The following NAV2 variants were observed in gnomAD, a reference collection of about 807,000 sequenced individuals.
NAV2 encodes the protein helicase, APC down-regulated 1.
In NAV2, 54 loss-of-function variants were observed where a neutral mutation model predicts 223.2. The ratio of observed to expected loss-of-function variants is 0.24; its 90% CI spans 0.19 to 0.30. The LOEUF is 0.30. NAV2 is among the 10% of genes least tolerant of loss of function. The pLI is 1.00. For synonymous variants in NAV2, 1,279 were observed against 1,239.3 expected, an observed-to-expected ratio of 1.03 and a Z score of -0.67; for missense variants, 2,806 against 3,147.5, an observed-to-expected ratio of 0.89 and a Z score of 2.60.
At chr11:20,072,846 G>A (rs941238123) in intron 22 of NAV2, among the ~76,000 whole-genome samples, 4 of 152,128 alleles carry the variant, frequency 2.6e-5, no homozygotes, top group Admixed American at 1.3e-4. Context: ...CTGAGAAGAT[G>A]GGGTTTTCTA....
chr11:19,351,307 G>A (rs1853296746), intron 1 of NAV2, among the ~76,000 whole-genome samples: 1 of 152,216 alleles, frequency 6.6e-6, no homozygotes, highest in Non-Finnish European at 1.5e-5. Context: ...AAATGTTGGT[G>A]TTCTCAAAAT....
In NAV2 at chr11:19,430,733, G is replaced by A. The variant is rs150119934; in HGVS notation, c.75+79706G>A. Among the ~76,000 whole-genome samples the A allele has an allele frequency of 2.8e-3, 419 of 152,270 alleles. 1 individual carries two copies. Among genetic ancestry groups the A allele is most frequent in the African/African-American group, 9.1e-3 (378 of 41,558 alleles). On this transcript the variant is annotated intron_variant, in intron 1 of 37. Coordinates refer to the NAV2 transcript ENST00000360655. ...AGATATGATGCCAGTCTCCCCTGCC[G>A]TGTGGATCAGTTGACAGTTGAGGGT...
chr11:19,457,808 C>T (rs752583100), intron 1 of NAV2, among the ~76,000 whole-genome samples: 8 of 152,104 alleles, frequency 5.3e-5, no homozygotes, highest in East Asian at 1.9e-4. Flanking sequence ...CAGAGATGCA[C>T]GTGACAAAGC....
intron 6 of NAV2, among the ~76,000 whole-genome samples, chr11:19,932,082 T>C (rs759041067): frequency 1.3e-5 from 2 of 151,954 alleles, no homozygotes; most frequent in Admixed American, 6.5e-5. Flanking sequence ...CTAGAACAAT[T>C]CTGGCTCTAG....
At position 20,045,000 on chromosome 11, in the gene NAV2, G is replaced by A; in HGVS notation, c.3232G>A (p.Gly1078Arg). ...AGACGACGCAAAGGTGTCTGAGAAA[G>A]GAAGGCTTTCTCCTAAAGCCTCCCA... ...KTDDAKVSEK[G>R]RLSPKASQVK... is the part of the protein sequence containing the mutation. The change falls in exon 14 of 38, where the codon GGA (glycine) becomes AGA (arginine). Residue 1078 changes from glycine to arginine, a missense_variant. Physicochemically the swap from Gly to Arg is moderately radical, Grantham distance 125. This residue lies in a region of NAV2 where 742 missense variants were observed against 777.9 expected (regional missense o/e 0.95). Coordinates refer to ENST00000349880, the MANE Select transcript of NAV2 (RefSeq NM_145117.5). 6.2e-7 allele frequency: 1 copy of A among 1,612,858 alleles called. No individual in the cohort carries two copies. The highest frequency in any genetic ancestry group is 8.5e-7 in the Non-Finnish European group (1 of 1,179,672).
intron 1 of NAV2, among the ~76,000 whole-genome samples, chr11:19,645,760 G>A (rs946139177): frequency 6.6e-6 from 1 of 151,928 alleles, no homozygotes; most frequent in African/African-American, 2.4e-5. Flanking sequence ...ACTTTTAATG[G>A]TAATGGCAAA....
intron 1 of NAV2, among the ~76,000 whole-genome samples, chr11:19,418,494 T>A (rs1334908973): frequency 6.6e-6 from 1 of 152,174 alleles, no homozygotes; most frequent in Non-Finnish European, 1.5e-5. Context: ...TATTCAAGGA[T>A]GAACAGAATT....
At position 19,880,003 on chromosome 11, in the gene NAV2, G is replaced by A. The variant is rs148928708; in HGVS notation, c.646G>A (p.Ala216Thr). The A allele has an allele frequency of 1.5e-4, 238 of 1,613,724 alleles. No individual in the cohort carries two copies. The highest frequency in any genetic ancestry group is 6.6e-4 in the Middle Eastern group (4 of 6,060). The change falls in exon 5 of 38, where the codon GCC (alanine) becomes ACC (threonine). Residue 216 changes from alanine to threonine, a missense_variant. Ala to Thr is a moderately conservative substitution (Grantham distance 58, BLOSUM62 0). Around this residue, in one of 4 missense-constraint regions of NAV2, gnomAD observed 1,167 missense variants for 1,180.5 expected, o/e 0.99. Transcript: ENST00000349880. ...LPPAVSQVAG[A>T]PSQCQAGTPQ... is the part of the protein sequence containing the mutation. ...GCCCGCCGTATCCCAGGTGGCCGGG[G>A]CCCCCTCCCAGTGCCAGGCTGGCAC...
At position 19,379,803 on chromosome 11, in the gene NAV2, G is replaced by C. The variant is rs373919378; in HGVS notation, c.75+28776G>C. 2.4e-4 allele frequency among the ~76,000 whole-genome samples: 37 copies of C among 152,174 alleles called. No individual in the cohort carries two copies. In the South Asian group the frequency reaches 5.2e-3, roughly 21 times the overall value. ...TTTTTTTCTGTTTTGCTGTCTGCAG[G>C]CAATCCAGCCACGTAATTCTCTTCT... is the stretch of plus-strand genomic sequence containing the variant. On this transcript the variant is annotated intron_variant, in intron 1 of 37. Coordinates refer to the NAV2 transcript ENST00000360655.
chr11:19,476,298 C>T (rs77965190), intron 1 of NAV2, among the ~76,000 whole-genome samples: 267 of 152,258 alleles, frequency 1.8e-3, no homozygotes, highest in African/African-American at 5.8e-3. Context: ...GTTTCTCTTA[C>T]AGTCAAAAAT....
At chr11:19,926,188 C>A (rs915809097) in intron 6 of NAV2, among the ~76,000 whole-genome samples, 16 of 152,116 alleles carry the variant, frequency 1.1e-4, no homozygotes, top group African/African-American at 3.9e-4. Flanking sequence ...TATAAAAAAA[C>A]CATTTTATTG....
chr11:19,853,694 G>T lies in NAV2; in HGVS notation c.438+10771G>T, dbSNP rs75540544. ...TGATTTGAACTGTGCATGTGGTCAT[G>T]ATCTGGTTGGAGTTTGAGATGCCTT... On this transcript the variant is annotated intron_variant, in intron 3 of 37. Coordinates refer to ENST00000349880, the MANE Select transcript of NAV2 (RefSeq NM_145117.5). Among the ~76,000 whole-genome samples the T allele has an allele frequency of 4.3e-4, 66 of 151,938 alleles. No individual in the cohort carries two copies. In the East Asian group the frequency reaches 0.01, roughly 23 times the overall value.
intron 1 of NAV2, among the ~76,000 whole-genome samples, chr11:19,604,725 C>T (rs1477147572): frequency 6.6e-6 from 1 of 152,202 alleles, no homozygotes; most frequent in African/African-American, 2.4e-5. Context: ...GCTATGTCCC[C>T]ATCCAAATCT....
At chr11:20,036,751 G>A (rs2056412665) in intron 12 of NAV2, among the ~76,000 whole-genome samples, 1 of 152,160 alleles carries the variant, frequency 6.6e-6, no homozygotes, top group African/African-American at 2.4e-5. Flanking sequence ...CATTCTCCAT[G>A]TGGTGACAAT....
intron 1 of NAV2, among the ~76,000 whole-genome samples, chr11:19,790,425 T>C (rs1287571109): frequency 1.3e-5 from 2 of 152,176 alleles, no homozygotes; most frequent in Non-Finnish European, 2.9e-5. Context: ...AGTTGTCTCT[T>C]ATTAGAAGAG....
chr11:19,804,009 C>G (rs564117820), intron 1 of NAV2, among the ~76,000 whole-genome samples: 1 of 152,226 alleles, frequency 6.6e-6, no homozygotes, highest in African/African-American at 2.4e-5. Flanking sequence ...ATAAGGTGAT[C>G]TGTGGCCAAT....
At chr11:19,624,455 CG>C (rs2047102872) in intron 1 of NAV2, among the ~76,000 whole-genome samples, 1 of 152,302 alleles carries the variant, frequency 6.6e-6, no homozygotes, top group African/African-American at 2.4e-5. Context: ...TCAGCAATGG[CG>C]GGTGCCCCTC....
chr11:20,066,121 G>A (rs1404130407), intron 20 of NAV2, among the ~76,000 whole-genome samples: 1 of 152,208 alleles, frequency 6.6e-6, no homozygotes, highest in African/African-American at 2.4e-5. Flanking sequence ...AATGTAAAGT[G>A]CTTGGAACAG....
At chr11:19,966,707 C>T (rs891116210) in intron 10 of NAV2, among the ~76,000 whole-genome samples, 12 of 152,312 alleles carry the variant, frequency 7.9e-5, no homozygotes, top group East Asian at 5.8e-4. Flanking sequence ...AGGAAGCCTC[C>T]GCTGATGCAC....
Sources: gnomAD v4.1 joint callset for allele counts (sites outside exome capture counted in the v4.1 genomes callset) on GRCh38, gnomAD v4.1.1 for gene constraint, gnomAD v4.1.1 regional missense constraint, MANE v1.5 for transcripts, NCBI Gene and HGNC (gene_info 2026-07-23, HGNC 2026-07-21) for gene names.